Variants in EEPD1 observed in about 807,000 individuals in gnomAD.
EEPD1 encodes endonuclease/exonuclease/phosphatase family domain-containing protein 1.
Under a neutral mutation model 46.3 loss-of-function variants are expected in EEPD1, and 17 were observed. The observed-to-expected ratio is 0.37, with a 90% confidence interval of 0.25 to 0.55. The LOEUF (loss-of-function observed/expected upper bound fraction) is 0.55, where lower values mean the gene tolerates loss of function less well. Ranked by LOEUF, EEPD1 falls within the 20% of genes least tolerant of loss-of-function variation. The probability of loss-of-function intolerance (pLI) is 0.83; values close to 1 mark genes in which losing one functional copy is unlikely to be tolerated. For missense variants in EEPD1, 673 were observed against 745.6 expected (o/e 0.90, Z 1.13); for synonymous variants, 313 against 315.6 (o/e 0.99, Z 0.09).
intron 2 of EEPD1, among the ~76,000 whole-genome samples, chr7:36,222,986 A>G (rs1390837241): frequency 6.6e-6 from 1 of 152,032 alleles, no homozygotes; most frequent in Non-Finnish European, 1.5e-5. Context: ...CCCCATCTCT[A>G]CTAAAAATAC....
At chr7:36,195,164 C>T (rs1034598826) in intron 2 of EEPD1, among the ~76,000 whole-genome samples, 3 of 152,272 alleles carry the variant, frequency 2.0e-5, no homozygotes, top group East Asian at 3.9e-4. Flanking sequence ...CTCTTAGTAA[C>T]GTGGGAGGGG....
intron 2 of EEPD1, among the ~76,000 whole-genome samples, chr7:36,169,079 A>G (rs773956234): frequency 6.6e-6 from 1 of 152,162 alleles, no homozygotes; most frequent in African/African-American, 2.4e-5. Flanking sequence ...ATAATTTTCC[A>G]CTATATAGAT....
At chr7:36,190,780 G>A (rs1785448114) in intron 2 of EEPD1, among the ~76,000 whole-genome samples, 1 of 152,204 alleles carries the variant, frequency 6.6e-6, no homozygotes. Context: ...GGGAGGTTGG[G>A]GATAAAGCAT....
At chr7:36,243,366 A>G (rs1786587231) in intron 3 of EEPD1, among the ~76,000 whole-genome samples, 1 of 151,892 alleles carries the variant, frequency 6.6e-6, no homozygotes, top group Admixed American at 6.6e-5. Context: ...TATTTGTGAG[A>G]ACCCAGTTTT....
intron 2 of EEPD1, among the ~76,000 whole-genome samples, chr7:36,181,814 A>G (rs967633323): frequency 3.9e-5 from 6 of 152,180 alleles, no homozygotes; most frequent in African/African-American, 1.4e-4. Context: ...CCATGTCCCT[A>G]TTTGTTCTTT....
chr7:36,173,263 C>T (rs950843541), intron 2 of EEPD1, among the ~76,000 whole-genome samples: 1 of 135,924 alleles, frequency 7.4e-6, no homozygotes, highest in Non-Finnish European at 1.5e-5. Flanking sequence ...CCAAGGGGGG[C>T]GGATCACGAG....
intron 3 of EEPD1, among the ~76,000 whole-genome samples, chr7:36,274,606 T>C (rs1454327853): frequency 1.3e-5 from 2 of 152,220 alleles, no homozygotes; most frequent in Non-Finnish European, 1.5e-5. Flanking sequence ...GTTTATTACA[T>C]AGGTAAATGT....
chr7:36,201,518 C>CTAAT (rs1284414493), intron 2 of EEPD1, among the ~76,000 whole-genome samples: 1 of 152,100 alleles, frequency 6.6e-6, no homozygotes, highest in East Asian at 1.9e-4. Context: ...GGGGCAGGTC[C>CTAAT]CATTACCTGG....
At chr7:36,158,497 GTCTTC>G (rs1190901991) in intron 2 of EEPD1, among the ~76,000 whole-genome samples, 1 of 152,200 alleles carries the variant, frequency 6.6e-6, no homozygotes, top group African/African-American at 2.4e-5. Flanking sequence ...GGGAGTTAGA[GTCTTC>G]TCTTTAACCT....
intron 3 of EEPD1, among the ~76,000 whole-genome samples, chr7:36,239,615 C>T (rs12701489): frequency 0.095 from 14,414 of 152,130 alleles, 887 homozygotes; most frequent in Admixed American, 0.16. Context: ...CCCAAACCAA[C>T]GTTTCACTGT....
In EEPD1 at chr7:36,299,038, G is replaced by A. The variant is rs1313987631; in HGVS notation, c.1542G>A (p.Thr514=). The A allele has an allele frequency of 6.8e-6, 11 of 1,613,954 alleles. No individual in the cohort carries two copies. Among genetic ancestry groups the A allele is most frequent in the East Asian group, 2.2e-5 (1 of 44,876 alleles). ...GGGCTGTGGTGAGAGAAGGCCTCAC[G>A]AACCCTTGGATTCCGGATAACTGGT... ...GHWAVVREGL[T]NPWIPDNWSW... is the part of the protein sequence containing the mutation. Residue 514 remains threonine, a synonymous_variant, in exon 8 of 8, where the codon ACG becomes ACA. Transcript: ENST00000242108.
intron 3 of EEPD1, among the ~76,000 whole-genome samples, chr7:36,255,787 C>T (rs946954439): frequency 2.6e-5 from 4 of 152,126 alleles, no homozygotes; most frequent in Admixed American, 1.3e-4. Context: ...CTCCTGGATT[C>T]ATTGATTCTT....
chr7:36,296,151 C>T (rs1787521823), intron 6 of EEPD1, among the ~76,000 whole-genome samples: 1 of 150,864 alleles, frequency 6.6e-6, no homozygotes, highest in Admixed American at 6.6e-5. Context: ...TGTGCATCAA[C>T]ATGATGGATG....
chr7:36,274,245 TA>T, intron 3 of EEPD1, among the ~76,000 whole-genome samples: 1 of 152,336 alleles, frequency 6.6e-6, no homozygotes. Flanking sequence ...GCTGTTGCTT[TA>T]TGACCATGTT....
intron 6 of EEPD1, among the ~76,000 whole-genome samples, chr7:36,289,547 T>C (rs1459318097): frequency 6.6e-6 from 1 of 152,198 alleles, no homozygotes; most frequent in Non-Finnish European, 1.5e-5. Context: ...CAGGCTGGAG[T>C]GCAGAGGCAC....
At chr7:36,229,110 G>A (rs989979574) in intron 2 of EEPD1, among the ~76,000 whole-genome samples, 1 of 152,206 alleles carries the variant, frequency 6.6e-6, no homozygotes, top group East Asian at 1.9e-4. Context: ...TACAGTCTGG[G>A]AGACAGTGTG....
chr7:36,287,507 G>A, intron 5 of EEPD1, 132 bp from the exon 6 acceptor site: 3 of 1,353,036 alleles, frequency 2.2e-6, no homozygotes, highest in Non-Finnish European at 3.0e-6. Context: ...ATTTCCTGGG[G>A]GTGTGAGCCA....
At chr7:36,211,651 G>A (rs900821954) in intron 2 of EEPD1, among the ~76,000 whole-genome samples, 3 of 152,188 alleles carry the variant, frequency 2.0e-5, no homozygotes, top group East Asian at 3.9e-4. Context: ...GTGGCTGGGC[G>A]TGGTGGCTCA....
chr7:36,278,349 T>C (rs569025554), intron 3 of EEPD1, among the ~76,000 whole-genome samples: 2 of 152,310 alleles, frequency 1.3e-5, no homozygotes, highest in Non-Finnish European at 2.9e-5. Flanking sequence ...CTGAAGGTCC[T>C]CCTGGGGGTT....
Sources: allele counts gnomAD v4.1 joint callset (sites outside exome capture counted in the v4.1 genomes callset), GRCh38; gene constraint gnomAD v4.1.1; transcripts MANE v1.5; gene names NCBI Gene and HGNC (gene_info 2026-07-23, HGNC 2026-07-21).